ADAM2: variants seen among roughly 807,000 people sequenced by gnomAD.
The protein encoded by ADAM2 is ADAM metallopeptidase domain 2.
A neutral mutation model predicts 99.3 loss-of-function variants in ADAM2; 101 were observed. That is an observed-to-expected ratio of 1.02 (90% confidence interval 0.87 to 1.20). The LOEUF (loss-of-function observed/expected upper bound fraction) is 1.20. Among genes scored for constraint, ADAM2 ranks in the 50% most tolerant of loss-of-function variants. ADAM2 has a pLI of 0.00. For missense variants in ADAM2, 948 were observed against 878.7 expected (o/e 1.08, Z -1.00); for synonymous variants, 323 against 287.6 (o/e 1.12, Z -1.25).
intron 15 of ADAM2, among the ~76,000 whole-genome samples, chr8:39,760,434 C>A (rs535343448): frequency 1.3e-5 from 2 of 152,230 alleles, no homozygotes; most frequent in Admixed American, 6.5e-5. Context: ...TTAAATACCA[C>A]GCTTTGGCCA....
intron 14 of ADAM2, among the ~76,000 whole-genome samples, chr8:39,762,814 T>A (rs920797280): frequency 1.4e-4 from 21 of 152,208 alleles, no homozygotes; most frequent in African/African-American, 5.1e-4. Context: ...AGCCAATTAT[T>A]TGCATAGATA....
rs1563388579 is a variant in ADAM2 at position 39,833,938 on chromosome 8, AC to A, written c.188+5del. On this transcript the variant is annotated splice_donor_5th_base_variant and intron_variant, in intron 3 of 20. Transcript: ENST00000265708. ...GAGAATTGATAAAATAATGATGATT[AC>A]CTACTTTTGCATTAAATTCACAGTA... The A allele has an allele frequency of 1.4e-6, 2 of 1,446,696 alleles. No homozygotes were observed. Among genetic ancestry groups the A allele is most frequent in the Non-Finnish European group, 1.9e-6 (2 of 1,032,112 alleles). 89.6% of individuals were successfully genotyped at this position (1,446,696 alleles called of 1,614,324 possible).
chr8:39,787,108 A>G, intron 9 of ADAM2, 53 bp from the exon 10 acceptor site: 4 of 1,141,520 alleles, frequency 3.5e-6, no homozygotes, highest in Non-Finnish European at 5.0e-6. Flanking sequence ...ATTAATATGA[A>G]TTTTTATAAG....
At chr8:39,831,928 A>G (rs1411167061) in intron 3 of ADAM2, among the ~76,000 whole-genome samples, 4 of 152,186 alleles carry the variant, frequency 2.6e-5, no homozygotes, top group Non-Finnish European at 5.9e-5. Flanking sequence ...AATTAAACTT[A>G]AAAATTGATA....
chr8:39,787,087 A>C (rs1803496177), intron 9 of ADAM2, 32 bp from the exon 10 acceptor site: 1 of 1,377,910 alleles, frequency 7.3e-7, no homozygotes, highest in East Asian at 2.4e-5. Context: ...TAATCATATA[A>C]TTTTGTAAAA....
At chr8:39,804,555 T>C (rs1408807546) in intron 7 of ADAM2, among the ~76,000 whole-genome samples, 1 of 152,044 alleles carries the variant, frequency 6.6e-6, no homozygotes, top group African/African-American at 2.4e-5. Context: ...AATCCTGAAG[T>C]ATAATATATG....
intron 4 of ADAM2, among the ~76,000 whole-genome samples, chr8:39,824,323 A>AATTTT (rs1310592597): frequency 7.3e-5 from 11 of 151,468 alleles, no homozygotes; most frequent in Non-Finnish European, 1.2e-4. Flanking sequence ...TAATCCTGGC[A>AATTTT]ATTTTATTCA....
intron 18 of ADAM2, among the ~76,000 whole-genome samples, chr8:39,747,613 C>T (rs538030661): frequency 5.9e-5 from 9 of 152,120 alleles, no homozygotes; most frequent in African/African-American, 1.9e-4. Context: ...CAAATTTGGC[C>T]TTTCATTGTT....
intron 15 of ADAM2, among the ~76,000 whole-genome samples, chr8:39,759,486 A>G (rs1200387217): frequency 6.6e-6 from 1 of 152,216 alleles, no homozygotes; most frequent in Non-Finnish European, 1.5e-5. Context: ...AAAATTACTC[A>G]AAACAATGAA....
intron 18 of ADAM2, 102 bp downstream of exon 18, chr8:39,749,210 C>T (rs1040548126): frequency 9.2e-7 from 1 of 1,087,286 alleles, no homozygotes; most frequent in African/African-American, 1.6e-5. Context: ...AATGTCTAAA[C>T]ATAGTCTAGA....
At chr8:39,835,861 A>G (rs1280357488) in intron 2 of ADAM2, among the ~76,000 whole-genome samples, 2 of 152,072 alleles carry the variant, frequency 1.3e-5, no homozygotes, top group Admixed American at 1.3e-4. Context: ...TATTTTAAAA[A>G]TAAACTAGGC....
chr8:39,744,097 A>T (rs567797191), intron 20 of ADAM2, 33 bp from the exon 21 acceptor site: 4 of 152,160 alleles, frequency 2.6e-5, no homozygotes, highest in Non-Finnish European at 4.4e-5. Flanking sequence ...CACCGTTATC[A>T]ACAAGTTGAA....
intron 1 of ADAM2, 52 bp from the exon 2 acceptor site, chr8:39,837,264 G>GTT (rs1203942845): frequency 9.8e-6 from 13 of 1,326,742 alleles, no homozygotes; most frequent in Non-Finnish European, 1.4e-5. Context: ...ATTTCAGAGC[G>GTT]TGTTTTATGA....
At chr8:39,832,294 C>T (rs1176797221) in intron 3 of ADAM2, among the ~76,000 whole-genome samples, 4 of 152,144 alleles carry the variant, frequency 2.6e-5, no homozygotes, top group Non-Finnish European at 4.4e-5. Context: ...ATATCGTTAT[C>T]ACCCTGAGTG....
intron 3 of ADAM2, among the ~76,000 whole-genome samples, chr8:39,831,092 T>G (rs969972949): frequency 1.3e-5 from 2 of 152,146 alleles, no homozygotes; most frequent in African/African-American, 4.8e-5. Context: ...CTATAAGAAA[T>G]AAATCTCTGT....
At chr8:39,761,327 T>A in intron 14 of ADAM2, 46 bp from the exon 15 acceptor site, 1 of 1,080,220 alleles carries the variant, frequency 9.3e-7, no homozygotes, top group Non-Finnish European at 1.3e-6. Flanking sequence ...TTATATTAAT[T>A]AAAAATAAAT....
chr8:39,827,047 G>GA lies in ADAM2; in HGVS notation c.189-2151dup, dbSNP rs373392834. Among the ~76,000 whole-genome samples the GA allele has an allele frequency of 1.6e-4, 24 of 148,054 alleles. No homozygotes were observed. The East Asian group carries it at 2.2e-3, about 13-fold the overall frequency. ...AATGTATAGGAATACAAACAACTCA[G>GA]AAAAAAAAAATTGAAAATGAGCAAA... On this transcript the variant is annotated intron_variant, in intron 3 of 20. Coordinates refer to ENST00000265708, the MANE Select transcript of ADAM2 (RefSeq NM_001464.5).
At chr8:39,757,484 C>G (rs771901391) in intron 15 of ADAM2, among the ~76,000 whole-genome samples, 1 of 152,048 alleles carries the variant, frequency 6.6e-6, no homozygotes, top group South Asian at 2.1e-4. Context: ...TATTAAAATA[C>G]GGGTCTAATG....
At chr8:39,817,612 T>G (rs994889179) in intron 6 of ADAM2, among the ~76,000 whole-genome samples, 11 of 152,180 alleles carry the variant, frequency 7.2e-5, no homozygotes, top group African/African-American at 2.7e-4. Context: ...TAAGTGTGAT[T>G]ATTATCTGTC....
Sources: gnomAD v4.1 joint callset for allele counts (sites outside exome capture counted in the v4.1 genomes callset) on GRCh38, gnomAD v4.1.1 for gene constraint, MANE v1.5 for transcripts, NCBI Gene and HGNC (gene_info 2026-07-23, HGNC 2026-07-21) for gene names.